Variants in DLG2 observed in about 807,000 individuals in gnomAD.
DLG2 encodes discs large MAGUK scaffold protein 2.
DLG2 carries 45 observed loss-of-function variants against 132.5 expected under a neutral mutation model. The ratio of observed to expected loss-of-function variants is 0.34; its 90% CI spans 0.27 to 0.44. The LOEUF is 0.44. Ranked by LOEUF, DLG2 falls within the 20% of genes least tolerant of loss-of-function variation. DLG2 has a pLI of 1.00. For missense variants in DLG2, 1,045 were observed against 1,196.9 expected, an observed-to-expected ratio of 0.87 and a Z score of 1.87; for synonymous variants, 424 against 419.6, an observed-to-expected ratio of 1.01 and a Z score of -0.13.
At chr11:83,595,188 G>C (rs1255016161) in intron 19 of DLG2, among the ~76,000 whole-genome samples, 1 of 152,132 alleles carries the variant, frequency 6.6e-6, no homozygotes, top group Non-Finnish European at 1.5e-5. Flanking sequence ...AAAATGTGAG[G>C]TGAGTTTTCT....
chr11:83,713,822 C>G (rs550540213), intron 18 of DLG2, among the ~76,000 whole-genome samples: 31 of 152,328 alleles, frequency 2.0e-4, no homozygotes, highest in African/African-American at 7.2e-4. Flanking sequence ...TTCAGGAGAC[C>G]TGACTTCACT....
intron 19 of DLG2, among the ~76,000 whole-genome samples, chr11:83,583,195 A>G (rs1409735887): frequency 6.6e-6 from 1 of 152,252 alleles, no homozygotes; most frequent in African/African-American, 2.4e-5. Context: ...TATTTGGCAA[A>G]AGACAAAAAA....
intron 4 of DLG2, among the ~76,000 whole-genome samples, chr11:85,156,993 G>A (rs765533119): frequency 2.5e-4 from 38 of 152,202 alleles, no homozygotes; most frequent in Non-Finnish European, 3.4e-4. Context: ...ACATTTGAGT[G>A]AGTGGGATGG....
chr11:83,469,164 T>A, intron 25 of DLG2, 37 bp downstream of exon 25: 2 of 1,484,310 alleles, frequency 1.3e-6, no homozygotes, highest in Non-Finnish European at 1.8e-6. Context: ...CCTAGAAACC[T>A]TCTTCAGGGG....
chr11:84,982,990 T>C (rs1289314551), intron 6 of DLG2, among the ~76,000 whole-genome samples: 1 of 152,182 alleles, frequency 6.6e-6, no homozygotes, highest in Non-Finnish European at 1.5e-5. Flanking sequence ...AAAGACTGAA[T>C]GGTTTTCCCC....
intron 18 of DLG2, among the ~76,000 whole-genome samples, chr11:83,773,811 C>T (rs1472355365): frequency 6.6e-6 from 1 of 152,136 alleles, no homozygotes; most frequent in Non-Finnish European, 1.5e-5. Flanking sequence ...CTAGGCACTT[C>T]GGACACGGCT....
chr11:83,792,634 T>A (rs1470900954), intron 17 of DLG2, among the ~76,000 whole-genome samples: 1 of 152,184 alleles, frequency 6.6e-6, no homozygotes, highest in Non-Finnish European at 1.5e-5. Flanking sequence ...CTTACTAATA[T>A]ACCTTAGTCA....
intron 3 of DLG2, among the ~76,000 whole-genome samples, chr11:85,372,440 T>C (rs888117635): frequency 3.3e-5 from 5 of 152,208 alleles, no homozygotes; most frequent in Non-Finnish European, 7.3e-5. Flanking sequence ...CCCCCTGAGA[T>C]ACATTTTGTC....
intron 4 of DLG2, among the ~76,000 whole-genome samples, chr11:85,259,671 C>A (rs1189938073): frequency 1.3e-5 from 2 of 151,866 alleles, no homozygotes; most frequent in Non-Finnish European, 2.9e-5. Flanking sequence ...ATCACCTGGA[C>A]TCCTATAAAG....
chr11:84,040,001 G>C (rs999828684), intron 11 of DLG2, among the ~76,000 whole-genome samples: 10 of 150,348 alleles, frequency 6.7e-5, no homozygotes, highest in African/African-American at 2.0e-4. Flanking sequence ...TGTGTTCTTT[G>C]GCTGCATAAA....
intron 6 of DLG2, among the ~76,000 whole-genome samples, chr11:84,751,868 C>T (rs1323889920): frequency 2.0e-5 from 3 of 152,082 alleles, no homozygotes; most frequent in Non-Finnish European, 1.5e-5. Context: ...ATTAGATAAA[C>T]TGATTTTTCT....
chr11:83,537,834 AAG>A (rs1491039391), intron 20 of DLG2, among the ~76,000 whole-genome samples: 7,784 of 110,262 alleles, frequency 0.071, 949 homozygotes, highest in East Asian at 0.087. Flanking sequence ...AAAAAAAAAA[AAG>A]AGAGAGAGAG....
intron 6 of DLG2, among the ~76,000 whole-genome samples, chr11:85,088,113 T>C (rs1038938738): frequency 7.2e-5 from 11 of 152,092 alleles, no homozygotes; most frequent in Non-Finnish European, 8.8e-5. Flanking sequence ...TCTGGTAGTA[T>C]TAGTAAATAT....
intron 6 of DLG2, among the ~76,000 whole-genome samples, chr11:84,614,561 T>A (rs2099600786): frequency 6.6e-6 from 1 of 152,174 alleles, no homozygotes; most frequent in African/African-American, 2.4e-5. Context: ...TTTAGAACAA[T>A]CTTTCTGTCA....
rs568326579 is a variant in DLG2 at position 84,533,967 on chromosome 11, A to G, written c.519+603T>C. 6.7e-5 allele frequency among the ~76,000 whole-genome samples: 10 copies of G among 148,666 alleles called. No individual in the cohort carries two copies. In the East Asian group the frequency reaches 1.8e-3, roughly 27 times the overall value. On this transcript the variant is annotated intron_variant, in intron 7 of 27. Coordinates refer to ENST00000376104, the MANE Select transcript of DLG2 (RefSeq NM_001142699.3). ...AGTAATTTGCACAGCCAAGGGGCAT[A>G]GAAAAGTATTTTTCTCATTTAATTA...
intron 6 of DLG2, among the ~76,000 whole-genome samples, chr11:84,715,968 T>C (rs1374218945): frequency 6.6e-6 from 1 of 152,128 alleles, no homozygotes; most frequent in African/African-American, 2.4e-5. Context: ...CTATTTGTAA[T>C]ACATTTAGAA....
chr11:83,819,026 T>A (rs1455917502), intron 17 of DLG2, among the ~76,000 whole-genome samples: 2 of 152,174 alleles, frequency 1.3e-5, no homozygotes, highest in Non-Finnish European at 2.9e-5. Flanking sequence ...TGCTTGCCTT[T>A]ATGTTAGAAA....
chr11:84,401,144 C>T (rs946298608), intron 7 of DLG2, among the ~76,000 whole-genome samples: 4 of 152,076 alleles, frequency 2.6e-5, no homozygotes, highest in Admixed American at 6.5e-5. Context: ...TAGTGTCAGA[C>T]AGCAGGCAAG....
At chr11:83,874,274 A>AGGAAAGAAGGACGGAC in intron 16 of DLG2, 146 bp downstream of exon 16, 1 of 415,414 alleles carries the variant, frequency 2.4e-6, no homozygotes, top group East Asian at 3.7e-5. Context: ...GAAGGAAGGA[A>AGGAAAGAAGGACGGAC]GGGGAGAAGG....
Sources: gnomAD v4.1 joint callset for allele counts (sites outside exome capture counted in the v4.1 genomes callset) on GRCh38, gnomAD v4.1.1 for gene constraint, MANE v1.5 for transcripts, NCBI Gene and HGNC (gene_info 2026-07-23, HGNC 2026-07-21) for gene names.